Variants in CSMD1 observed in about 807,000 individuals in gnomAD.
The protein encoded by CSMD1 is CUB and Sushi multiple domains 1.
Under a neutral mutation model 417.5 loss-of-function variants are expected in CSMD1, and 213 were observed. The ratio of observed to expected loss-of-function variants is 0.51; its 90% CI spans 0.46 to 0.57. The LOEUF (loss-of-function observed/expected upper bound fraction) is 0.57. Among genes scored for constraint, CSMD1 ranks in the 20% least tolerant of loss-of-function variants. The probability of loss-of-function intolerance (pLI) is 0.00; values close to 1 mark genes in which losing one functional copy is unlikely to be tolerated. For missense variants in CSMD1, 6,923 were observed against 4,529.7 expected, an observed-to-expected ratio of 1.53 and a Z score of -15.17; for synonymous variants, 2,862 against 1,736.8, an observed-to-expected ratio of 1.65 and a Z score of -16.11.
intron 10 of CSMD1, among the ~76,000 whole-genome samples, chr8:3,559,963 G>A (rs540341553): frequency 1.1e-4 from 17 of 152,220 alleles, no homozygotes; most frequent in African/African-American, 2.9e-4. Context: ...AAAGCCGTGC[G>A]GAATGAAGGT....
At chr8:4,067,837 G>C (rs908477811) in intron 3 of CSMD1, among the ~76,000 whole-genome samples, 2 of 152,160 alleles carry the variant, frequency 1.3e-5, no homozygotes, top group African/African-American at 4.8e-5. Context: ...CCAACACTTT[G>C]GGAGGCCGAG....
At chr8:3,647,490 GCA>G (rs1797635716) in intron 7 of CSMD1, among the ~76,000 whole-genome samples, 2 of 152,068 alleles carry the variant, frequency 1.3e-5, no homozygotes, top group Non-Finnish European at 2.9e-5. Context: ...AAGAAATATA[GCA>G]CAGAGAGAAG....
chr8:4,683,236 T>C (rs1163871127), intron 1 of CSMD1, among the ~76,000 whole-genome samples: 1 of 152,030 alleles, frequency 6.6e-6, no homozygotes, highest in African/African-American at 2.4e-5. Flanking sequence ...AGTCTAATGA[T>C]CTCAATTTCC....
At chr8:4,044,434 T>C (rs1209175978) in intron 3 of CSMD1, among the ~76,000 whole-genome samples, 3 of 152,148 alleles carry the variant, frequency 2.0e-5, no homozygotes, top group Non-Finnish European at 2.9e-5. Flanking sequence ...TAAAATTCTT[T>C]ACCATAAAAG....
chr8:4,201,900 C>T (rs1406541349), intron 3 of CSMD1, among the ~76,000 whole-genome samples: 2 of 117,202 alleles, frequency 1.7e-5, no homozygotes, highest in Non-Finnish European at 3.4e-5. Flanking sequence ...GGGGGGGGGG[C>T]GCTGCATTCA....
intron 5 of CSMD1, among the ~76,000 whole-genome samples, chr8:3,911,944 G>C (rs1333956542): frequency 6.6e-6 from 1 of 151,974 alleles, no homozygotes; most frequent in Non-Finnish European, 1.5e-5. Context: ...TTCCCTATAT[G>C]TCCACCTGAA....
At chr8:4,643,598 G>A (rs564595386) in intron 1 of CSMD1, among the ~76,000 whole-genome samples, 2 of 152,318 alleles carry the variant, frequency 1.3e-5, no homozygotes, top group Admixed American at 1.3e-4. Flanking sequence ...AAGAGCTAAG[G>A]AGTACGACAG....
At chr8:4,470,095 C>A (rs1237935529) in intron 2 of CSMD1, among the ~76,000 whole-genome samples, 2 of 152,018 alleles carry the variant, frequency 1.3e-5, no homozygotes, top group South Asian at 4.2e-4. Context: ...TGGTCTCGAT[C>A]TCCTGATCTC....
chr8:3,771,789 A>T (rs1351697904), intron 5 of CSMD1, among the ~76,000 whole-genome samples: 1 of 152,114 alleles, frequency 6.6e-6, no homozygotes, highest in East Asian at 1.9e-4. Flanking sequence ...TGCAGGAAAG[A>T]ACTCTGGGAA....
At chr8:4,125,452 C>G (rs1802708431) in intron 3 of CSMD1, among the ~76,000 whole-genome samples, 1 of 152,166 alleles carries the variant, frequency 6.6e-6, no homozygotes, top group Non-Finnish European at 1.5e-5. Flanking sequence ...TGTCCCATGT[C>G]TCCCTAAAAT....
intron 57 of CSMD1, among the ~76,000 whole-genome samples, chr8:2,968,321 G>A (rs1804148282): frequency 6.6e-6 from 1 of 152,130 alleles, no homozygotes. Flanking sequence ...ACCGAAAGAG[G>A]ACACTGATGT....
At chr8:3,474,550 A>C (rs944882608) in intron 11 of CSMD1, among the ~76,000 whole-genome samples, 2 of 152,140 alleles carry the variant, frequency 1.3e-5, no homozygotes, top group Admixed American at 1.3e-4. Flanking sequence ...CATTTACTTA[A>C]ATGTTTAATA....
At chr8:4,355,058 C>G (rs1033141621) in intron 3 of CSMD1, among the ~76,000 whole-genome samples, 13 of 151,768 alleles carry the variant, frequency 8.6e-5, no homozygotes, top group African/African-American at 1.9e-4. Context: ...GTCAGGAGAT[C>G]GAGACCATCC....
chr8:4,815,408 G>A (rs1799146764), intron 1 of CSMD1, among the ~76,000 whole-genome samples: 1 of 152,090 alleles, frequency 6.6e-6, no homozygotes, highest in African/African-American at 2.4e-5. Flanking sequence ...AATATATTAA[G>A]AAAGGAACCG....
chr8:4,883,581 T>G (rs1307627650), intron 1 of CSMD1, among the ~76,000 whole-genome samples: 2 of 152,096 alleles, frequency 1.3e-5, no homozygotes, highest in Non-Finnish European at 2.9e-5. Context: ...TAGAATCACA[T>G]AATATTTTGT....
chr8:3,592,041 C>T (rs754644502), intron 8 of CSMD1, among the ~76,000 whole-genome samples: 42 of 151,178 alleles, frequency 2.8e-4, no homozygotes, highest in South Asian at 4.2e-4. Context: ...AGATGACAGA[C>T]GAATAGATGG....
At chr8:4,844,905 T>C (rs1340428567) in intron 1 of CSMD1, among the ~76,000 whole-genome samples, 2 of 152,168 alleles carry the variant, frequency 1.3e-5, no homozygotes, top group African/African-American at 4.8e-5. Context: ...TACAAGAGTA[T>C]GGTTTTACTT....
At chr8:3,034,547 T>C (rs1585195873) in intron 50 of CSMD1, among the ~76,000 whole-genome samples, 1 of 152,146 alleles carries the variant, frequency 6.6e-6, no homozygotes, top group Non-Finnish European at 1.5e-5. Flanking sequence ...TAAAAACACA[T>C]AAATATATGT....
Position 3,343,156 on chromosome 8 carries a change from G to C in CSMD1, c.3631+138C>G, listed in dbSNP as rs535989723. ...TGTCCGAATATACAACCAGTCAACA[G>C]AGTACAGAATTAAACTGCAATCAAA... On this transcript the variant is annotated intron_variant, in intron 23 of 69. Coordinates refer to ENST00000635120, the MANE Select transcript of CSMD1 (RefSeq NM_033225.6). 4 of 643,184 alleles carry C rather than the reference G, an allele frequency of 6.2e-6. No individual in the cohort carries two copies. In the East Asian group the frequency reaches 1.1e-4, roughly 18 times the overall value. The allele number at this position is 643,184 out of a possible 1,614,324, so 39.8% of individuals were successfully genotyped here.
Sources: allele counts gnomAD v4.1 joint callset (sites outside exome capture counted in the v4.1 genomes callset), GRCh38; gene constraint gnomAD v4.1.1; transcripts MANE v1.5; gene names NCBI Gene and HGNC (gene_info 2026-07-23, HGNC 2026-07-21).